The following SIRPA variants were observed in gnomAD, a reference collection of about 807,000 sequenced individuals.
SIRPA encodes tyrosine-protein phosphatase non-receptor type substrate 1.
Under a neutral mutation model 50.3 loss-of-function variants are expected in SIRPA, and 9 were observed. The ratio of observed to expected loss-of-function variants is 0.18; its 90% CI spans 0.11 to 0.31. The LOEUF (loss-of-function observed/expected upper bound fraction) is 0.31. Ranked by LOEUF, SIRPA falls within the 10% of genes least tolerant of loss-of-function variation. The probability of loss-of-function intolerance (pLI) is 1.00; values close to 1 mark genes in which losing one functional copy is unlikely to be tolerated. For missense variants in SIRPA, 474 were observed against 661.6 expected (o/e 0.72, Z 3.11); for synonymous variants, 265 against 284.1 (o/e 0.93, Z 0.68).
intron 2 of SIRPA, among the ~76,000 whole-genome samples, chr20:1,916,993 G>A (rs1035754647): frequency 8.5e-5 from 13 of 152,214 alleles, no homozygotes; most frequent in African/African-American, 1.4e-4. Context: ...AGGAAAAGAC[G>A]TTGAAGTTCC....
At position 1,924,934 on chromosome 20, in the gene SIRPA, G is replaced by T; in HGVS notation, c.1201+57G>T. 1.4e-6 allele frequency: 2 copies of T among 1,393,348 alleles called. No individual in the cohort carries two copies. Among genetic ancestry groups the T allele is most frequent in the Non-Finnish European group, 2.0e-6 (2 of 982,508 alleles). The allele number at this position is 1,393,348 out of a possible 1,614,324, so 86.3% of individuals were successfully genotyped here. On this transcript the variant is annotated intron_variant, in intron 5 of 7. Transcript: ENST00000358771. This position sits in a 1 kb window ranked among gnomAD's most constrained non-coding sequence, Gnocchi z 4.5. Reference sequence around the variant, plus strand: ...TTTGTCCCTGGACTGTCCTCGGAGGGAGACGCCATTAGGTGCTTTGGGTTA... The same window carrying T: ...TTTGTCCCTGGACTGTCCTCGGAGGTAGACGCCATTAGGTGCTTTGGGTTA...
intron 4 of SIRPA, among the ~76,000 whole-genome samples, chr20:1,922,959 C>T (rs548374993): frequency 1.3e-5 from 2 of 152,280 alleles, no homozygotes; most frequent in East Asian, 1.9e-4. Context: ...TCATGCTCCC[C>T]ATTCCTCACT....
intron 2 of SIRPA, among the ~76,000 whole-genome samples, chr20:1,918,693 A>G (rs1267349157): frequency 6.6e-6 from 1 of 151,922 alleles, no homozygotes; most frequent in East Asian, 1.9e-4. Context: ...AGGTCATGTG[A>G]TCTTGGGCAA....
Position 1,915,368 on chromosome 20 carries a change from G to A in SIRPA, c.349G>A (p.Gly117Ser), listed in dbSNP as rs377556462. 7.8e-5 allele frequency: 126 copies of A among 1,611,148 alleles called. No homozygotes were observed. The highest frequency in any genetic ancestry group is 1.7e-4 in the Middle Eastern group (1 of 6,060). Residue 117 changes from glycine to serine, a missense_variant, in exon 2 of 8, where the codon GGC becomes AGC. Gly to Ser is a moderately conservative substitution (Grantham distance 56, BLOSUM62 0). This residue lies in a region of SIRPA where 221 missense variants were observed against 359.9 expected (regional missense o/e 0.61). Transcript: ENST00000358771. ...RIGNITPADA[G>S]TYYCVKFRKG... is the part of the protein sequence containing the mutation. ...CGGTAACATCACCCCAGCAGATGCC[G>A]GCACCTACTACTGTGTGAAGTTCCG...
intron 1 of SIRPA, among the ~76,000 whole-genome samples, chr20:1,906,551 C>T (rs772485501): frequency 9.9e-5 from 15 of 152,144 alleles, no homozygotes; most frequent in Admixed American, 4.6e-4. Flanking sequence ...GAGGCAATGG[C>T]GAGTGCAAAG....
rs1217111815 is a variant in SIRPA, at chr20:1,940,499, C to G, written c.*2931C>G. On this transcript the variant is annotated 3_prime_UTR_variant, in exon 8 of 8. Transcript: ENST00000358771. Reference sequence around the variant, plus strand: ...GTCAAGTGCTGGTTTATAGTGGGTGCTCAATAAATGTTAGTTTCCTTTCTA... The same window carrying G: ...GTCAAGTGCTGGTTTATAGTGGGTGGTCAATAAATGTTAGTTTCCTTTCTA... The G allele has an allele frequency of 1.3e-5, 2 of 152,162 alleles. No homozygotes were observed. The highest frequency in any genetic ancestry group is 2.9e-5 in the Non-Finnish European group (2 of 68,030). 9.4% of individuals were successfully genotyped at this position (152,162 alleles called of 1,614,324 possible). A position where few individuals can be genotyped will look rare whatever the true frequency, so the allele number is the denominator to read the frequency against.
Position 1,932,940 on chromosome 20 carries a change from G to A in SIRPA, c.1227-1775G>A, listed in dbSNP as rs1986372253. ...CACAGATATGGGGAAAATGATAATTGGTTATTGTCTGAAATTGCTTTGAAA... is the reference window on the plus strand; with the variant it reads ...CACAGATATGGGGAAAATGATAATTAGTTATTGTCTGAAATTGCTTTGAAA... On this transcript the variant is annotated intron_variant, in intron 6 of 7. Coordinates refer to ENST00000358771, the MANE Select transcript of SIRPA (RefSeq NM_001040023.2). The surrounding 1 kb of genome is among the most constrained non-coding windows in gnomAD (Gnocchi z 6.0). 6.6e-6 allele frequency among the ~76,000 whole-genome samples: 1 copy of A among 152,176 alleles called. No individual in the cohort carries two copies. The highest frequency in any genetic ancestry group is 2.1e-4 in the South Asian group (1 of 4,826).
At position 1,924,742 on chromosome 20, in the gene SIRPA, C is replaced by CTCTATTCCA; in HGVS notation, c.1088-20_1088-12dup. ...TGTTTTTAATCTGCATACGTGAAGC[C>CTCTATTCCA]TCTATTCCATGTGGTCCCTAGAGAA... On this transcript the variant is annotated intron_variant, in intron 4 of 7. Transcript: ENST00000358771. The surrounding 1 kb of genome is among the most constrained non-coding windows in gnomAD (Gnocchi z 4.5). 1 of 1,596,720 alleles carries CTCTATTCCA rather than the reference C, an allele frequency of 6.3e-7. No homozygotes were observed. The highest frequency in any genetic ancestry group is 8.6e-7 in the Non-Finnish European group (1 of 1,164,716).
In SIRPA at chr20:1,937,366, A is replaced by C; in HGVS notation, c.1313A>C (p.Lys438Thr). 6.2e-7 allele frequency: 1 copy of C among 1,614,128 alleles called. No individual in the cohort carries two copies. Among genetic ancestry groups the C allele is most frequent in the Non-Finnish European group, 8.5e-7 (1 of 1,179,996 alleles). Residue 438 changes from lysine (K) to threonine (T), a missense_variant, in exon 8 of 8, where the codon AAG becomes ACG. Physicochemically the swap from Lys to Thr is moderately conservative, Grantham distance 78. Transcript: ENST00000358771. This position sits in a 1 kb window ranked among gnomAD's most constrained non-coding sequence, Gnocchi z 8.3. Reference sequence around the variant, plus strand: ...GCAGACCTGAACCTGCCCAAGGGGAAGAAGCCTGCTCCCCAGGCTGCGGAG... The same window carrying C: ...GCAGACCTGAACCTGCCCAAGGGGACGAAGCCTGCTCCCCAGGCTGCGGAG... The part of the protein sequence containing the change: ...TYADLNLPKG[K>T]KPAPQAAEPN...
In SIRPA at chr20:1,932,593, G is replaced by T. The variant is rs887766036; in HGVS notation, c.1227-2122G>T. ...ACCACCTTGGAGTGGTTATAGAGGGGTTGAGCATTCTGAGCAGAAAAGTAA... is the reference window on the plus strand; with the variant it reads ...ACCACCTTGGAGTGGTTATAGAGGGTTTGAGCATTCTGAGCAGAAAAGTAA... On this transcript the variant is annotated intron_variant, in intron 6 of 7. Transcript: ENST00000358771. The surrounding 1 kb of genome is among the most constrained non-coding windows in gnomAD (Gnocchi z 6.0). Among the ~76,000 whole-genome samples the T allele has an allele frequency of 7.2e-5, 11 of 152,290 alleles. No homozygotes were observed. The East Asian group carries it at 2.1e-3, about 29-fold the overall frequency.
At position 1,904,462 on chromosome 20, in the gene SIRPA, G is replaced by A. The variant is rs77778071; in HGVS notation, c.79+8936G>A. ...TGCGGGGTGGGGGTTACAACAGAGGGAGGTGGAATCAGACCACTCGGCAGC... is the reference window on the plus strand; with the variant it reads ...TGCGGGGTGGGGGTTACAACAGAGGAAGGTGGAATCAGACCACTCGGCAGC... On this transcript the variant is annotated intron_variant, in intron 1 of 7. Transcript: ENST00000358771. 4.7e-3 allele frequency among the ~76,000 whole-genome samples: 709 copies of A among 152,266 alleles called. 2 individuals are homozygous for A. The highest frequency in any genetic ancestry group is 8.0e-3 in the Non-Finnish European group (547 of 68,008).
chr20:1,914,336 C>T (rs891285324), intron 1 of SIRPA, among the ~76,000 whole-genome samples: 1 of 152,182 alleles, frequency 6.6e-6, no homozygotes, highest in Non-Finnish European at 1.5e-5. Context: ...ACTCTAAAGA[C>T]CAGATGCTGC....
chr20:1,902,261 A>C (rs767454827), intron 1 of SIRPA, among the ~76,000 whole-genome samples: 2 of 152,024 alleles, frequency 1.3e-5, no homozygotes, highest in Non-Finnish European at 2.9e-5. Context: ...ACATCCCTTC[A>C]TGTGAGCTGT....
intron 2 of SIRPA, among the ~76,000 whole-genome samples, chr20:1,920,265 T>C (rs1985570302): frequency 6.6e-6 from 1 of 152,242 alleles, no homozygotes; most frequent in South Asian, 2.1e-4. Flanking sequence ...TCCAGGCCGC[T>C]GGCCTCAATG....
chr20:1,917,297 A>G (rs1985362060), intron 2 of SIRPA, among the ~76,000 whole-genome samples: 1 of 152,176 alleles, frequency 6.6e-6, no homozygotes, highest in South Asian at 2.1e-4. Flanking sequence ...GTGGTGAGCC[A>G]GTGGGGGAGC....
chr20:1,924,926 C>A lies in SIRPA; in HGVS notation c.1201+49C>A. ...CCTAAGGGTTTGTCCCTGGACTGTC[C>A]TCGGAGGGAGACGCCATTAGGTGCT... On this transcript the variant is annotated intron_variant, in intron 5 of 7. Transcript: ENST00000358771. The surrounding 1 kb of genome is among the most constrained non-coding windows in gnomAD (Gnocchi z 4.5). The A allele has an allele frequency of 1.4e-6, 2 of 1,471,050 alleles. No individual in the cohort carries two copies. Among genetic ancestry groups the A allele is most frequent in the East Asian group, 2.3e-5 (1 of 43,992 alleles). The allele number at this position is 1,471,050 out of a possible 1,614,324, so 91.1% of individuals were successfully genotyped here. A position where few individuals can be genotyped will look rare whatever the true frequency, so the allele number is the denominator to read the frequency against.
At position 1,927,023 on chromosome 20, in the gene SIRPA, C is replaced by G. The variant is rs1986019140; in HGVS notation, c.1202-852C>G. Among the ~76,000 whole-genome samples the G allele has an allele frequency of 6.6e-6, 1 of 152,236 alleles. No homozygotes were observed. The highest frequency in any genetic ancestry group is 1.5e-5 in the Non-Finnish European group (1 of 68,040). ...ATGACTTGTGTCCAGCACTTTGCAA[C>G]CTGTCAGCCTCCACTCAGACTTTCG... On this transcript the variant is annotated intron_variant, in intron 5 of 7. Transcript: ENST00000358771. The surrounding 1 kb of genome is among the most constrained non-coding windows in gnomAD (Gnocchi z 6.5).
chr20:1,895,910 C>G (rs1197429625), intron 1 of SIRPA, among the ~76,000 whole-genome samples: 1 of 152,226 alleles, frequency 6.6e-6, no homozygotes, highest in East Asian at 1.9e-4. Flanking sequence ...GGACATACGA[C>G]TTTCCACATG....
intron 6 of SIRPA, among the ~76,000 whole-genome samples, chr20:1,930,789 C>T (rs1183934211): frequency 6.6e-6 from 1 of 152,106 alleles, no homozygotes; most frequent in Non-Finnish European, 1.5e-5. Context: ...GGGGTTTCTC[C>T]TTGTTGGTCA....
Sources: gnomAD v4.1 joint callset for allele counts (sites outside exome capture counted in the v4.1 genomes callset) on GRCh38, gnomAD v4.1.1 for gene constraint, gnomAD v4.1.1 regional missense constraint, Gnocchi (gnomAD v3.1) non-coding constraint, MANE v1.5 for transcripts, NCBI Gene and HGNC (gene_info 2026-07-23, HGNC 2026-07-21) for gene names.